HDAC4: variants seen among roughly 807,000 people sequenced by gnomAD.
HDAC4 encodes histone deacetylase A.
In HDAC4, 16 loss-of-function variants were observed where a neutral mutation model predicts 135.1. The observed-to-expected ratio is 0.12, with a 90% CI of 0.08 to 0.18. HDAC4 has a LOEUF of 0.18. HDAC4 is among the 10% of genes least tolerant of loss of function. HDAC4 has a pLI of 1.00. For missense variants in HDAC4, 1,143 were observed against 1,511.8 expected (o/e 0.76, Z 4.05); for synonymous variants, 685 against 653.4 (o/e 1.05, Z -0.74).
chr2:239,129,552 C>T (rs540027032), intron 11 of HDAC4, among the ~76,000 whole-genome samples: 32 of 152,258 alleles, frequency 2.1e-4, no homozygotes, highest in African/African-American at 7.7e-4. Context: ...GCTCTTTCTG[C>T]CCTGAGCACT....
In HDAC4 at chr2:239,313,680, C is replaced by T. The variant is rs1403719061; in HGVS notation, c.22+38998G>A. 5.3e-5 allele frequency among the ~76,000 whole-genome samples: 8 copies of T among 152,304 alleles called. No homozygotes were observed. In the South Asian group the frequency reaches 6.2e-4, roughly 12 times the overall value. On this transcript the variant is annotated intron_variant, in intron 2 of 26. Transcript: ENST00000543185. The surrounding 1 kb of genome is among the most constrained non-coding windows in gnomAD (Gnocchi z 5.1). ...AATAAGCGCCTCAAAAGAAAGCCAA[C>T]GTACAGCACTGGTGACAGAAAGGAA... is the stretch of plus-strand genomic sequence containing the variant.
chr2:239,365,151 G>A (rs946981337), intron 1 of HDAC4, among the ~76,000 whole-genome samples: 5 of 152,248 alleles, frequency 3.3e-5, no homozygotes, highest in African/African-American at 1.2e-4. Context: ...TCTATACAGT[G>A]AGTTTAATAA....
intron 24 of HDAC4, among the ~76,000 whole-genome samples, chr2:239,063,110 G>A (rs1188133464): frequency 6.6e-6 from 1 of 152,276 alleles, no homozygotes; most frequent in African/African-American, 2.4e-5. Context: ...CTGCTGTCCC[G>A]GGGTCACGCA....
intron 2 of HDAC4, among the ~76,000 whole-genome samples, chr2:239,255,311 G>A (rs1214367614): frequency 6.6e-6 from 1 of 152,048 alleles, no homozygotes; most frequent in Non-Finnish European, 1.5e-5. Flanking sequence ...GTGTGTGTGT[G>A]TGTGTGTGTG....
chr2:239,200,688 T>C (rs1173956675), intron 3 of HDAC4, among the ~76,000 whole-genome samples: 2 of 152,162 alleles, frequency 1.3e-5, no homozygotes, highest in Non-Finnish European at 2.9e-5. Flanking sequence ...AAGAAATAAA[T>C]GCAAAGAGAA....
rs914819629 is a variant in HDAC4 at position 239,349,275 on chromosome 2, C to T, written c.22+3403G>A. Among the ~76,000 whole-genome samples, 51 of 152,166 alleles carry T rather than the reference C, an allele frequency of 3.4e-4. No individual in the cohort carries two copies. The highest frequency in any genetic ancestry group is 1.1e-3 in the African/African-American group (47 of 41,444). On this transcript the variant is annotated intron_variant, in intron 2 of 26. Transcript: ENST00000543185. This position sits in a 1 kb window ranked among gnomAD's most constrained non-coding sequence, Gnocchi z 5.7. ...AGGGGAGGTGCAGCCAGGTAGGCCC[C>T]GAACACCACGTTGCCAGGACTCGGC...
At position 239,285,095 on chromosome 2, in the gene HDAC4, T is replaced by C. The variant is rs2051059303; in HGVS notation, c.23-48431A>G. ...TACATCCCACCCCACACCTAGACAA[T>C]CTACAGTCTACCTTCATGGCAACCT... On this transcript the variant is annotated intron_variant, in intron 2 of 26. Coordinates refer to ENST00000543185, the MANE Select transcript of HDAC4 (RefSeq NM_001378414.1). This position sits in a 1 kb window ranked among gnomAD's most constrained non-coding sequence, Gnocchi z 4.5. Among the ~76,000 whole-genome samples, 1 of 152,062 alleles carries C rather than the reference T, an allele frequency of 6.6e-6. No homozygotes were observed.
chr2:239,152,412 G>GA (rs1213248330), intron 7 of HDAC4, among the ~76,000 whole-genome samples: 1 of 152,236 alleles, frequency 6.6e-6, no homozygotes, highest in Non-Finnish European at 1.5e-5. Context: ...CATGGGAAGG[G>GA]ACCAGGCACC....
intron 2 of HDAC4, among the ~76,000 whole-genome samples, chr2:239,277,712 C>A (rs1189859724): frequency 3.9e-5 from 6 of 152,204 alleles, no homozygotes; most frequent in Admixed American, 3.9e-4. Context: ...ATAATGTCTG[C>A]TTTGGAAAGA....
intron 6 of HDAC4, among the ~76,000 whole-genome samples, chr2:239,162,822 C>T (rs990279508): frequency 9.2e-5 from 14 of 152,032 alleles, no homozygotes; most frequent in Admixed American, 2.6e-4. Context: ...GCGGCCTCCA[C>T]GGAAACAAGG....
chr2:239,174,996 A>C lies in HDAC4; in HGVS notation c.490+1417T>G, dbSNP rs1379591018. On this transcript the variant is annotated intron_variant, in intron 5 of 26. Coordinates refer to ENST00000543185, the MANE Select transcript of HDAC4 (RefSeq NM_001378414.1). The stretch of plus-strand genomic sequence containing the variant: ...TCTTTGGGGAAGGGGGAAGTGCATA[A>C]GGACTTCTCTTCTGACTCATGGGCC... 2.0e-5 allele frequency among the ~76,000 whole-genome samples: 3 copies of C among 152,246 alleles called. No individual in the cohort carries two copies. In the East Asian group the frequency reaches 5.8e-4, roughly 29 times the overall value.
intron 2 of HDAC4, among the ~76,000 whole-genome samples, chr2:239,348,700 G>A (rs1172790696): frequency 6.6e-6 from 1 of 152,242 alleles, no homozygotes; most frequent in Non-Finnish European, 1.5e-5. Context: ...TCCCCTCAGG[G>A]AGGGTGTGGA....
chr2:239,334,626 C>A (rs1191438709), intron 2 of HDAC4, among the ~76,000 whole-genome samples: 1 of 152,022 alleles, frequency 6.6e-6, no homozygotes. Context: ...GTAGCATATT[C>A]GTAGATTAGA....
At chr2:239,264,237 G>A (rs752299719) in intron 2 of HDAC4, among the ~76,000 whole-genome samples, 92 of 152,166 alleles carry the variant, frequency 6.0e-4, no homozygotes, top group Non-Finnish European at 4.6e-4. Context: ...CTTTCTGCTC[G>A]GGCCGCCCCA....
In HDAC4 at chr2:239,352,780, C is replaced by G; in HGVS notation, c.-81G>C. 7.6e-7 allele frequency: 1 copy of G among 1,314,056 alleles called. No homozygotes were observed. The highest frequency in any genetic ancestry group is 2.0e-5 in the Admixed American group (1 of 50,692). 81.4% of individuals were successfully genotyped at this position (1,314,056 alleles called of 1,614,324 possible). A position where few individuals can be genotyped will look rare whatever the true frequency, so the allele number is the denominator to read the frequency against. On this transcript the variant is annotated 5_prime_UTR_variant, in exon 2 of 27. Coordinates refer to ENST00000543185, the MANE Select transcript of HDAC4 (RefSeq NM_001378414.1). The surrounding 1 kb of genome is among the most constrained non-coding windows in gnomAD (Gnocchi z 4.4). The stretch of plus-strand genomic sequence containing the variant: ...AACGATAGCTCCAACGAGCTCCAAA[C>G]TCCCACCAACACATACAAGTACCGG...
rs150037019 is a variant in HDAC4 at position 239,166,371 on chromosome 2, G to T, written c.491-2448C>A. ...CAGGCTCAGGGCTCTCTGTCGGTCTGAGAAAATCATGTCATTGCCCGAGTC... is the reference window on the plus strand; with the variant it reads ...CAGGCTCAGGGCTCTCTGTCGGTCTTAGAAAATCATGTCATTGCCCGAGTC... On this transcript the variant is annotated intron_variant, in intron 5 of 26. Coordinates refer to ENST00000543185, the MANE Select transcript of HDAC4 (RefSeq NM_001378414.1). Among the ~76,000 whole-genome samples the T allele has an allele frequency of 9.1e-4, 138 of 152,266 alleles. 1 individual carries two copies. In the East Asian group the frequency reaches 0.016, roughly 17 times the overall value.
rs2035275511 is a variant in HDAC4 at position 239,081,105 on chromosome 2, C to T, written c.2740G>A (p.Ala914Thr). ...AGCCGGGAGGCTCACCTGAAGGCCG[C>T]CAAGTACTCAGCGTCTCCCATGGGG... ...DPPMGDAEYL[A>T]AFRTVVMPIA... Residue 914 changes from alanine to threonine, a missense_variant, in exon 22 of 27, where the codon GCG (alanine) becomes ACG (threonine). Around this residue, in one of 9 missense-constraint regions of HDAC4, gnomAD observed 189 missense variants for 317.6 expected, o/e 0.60. Transcript: ENST00000543185. The T allele has an allele frequency of 1.2e-6, 2 of 1,613,706 alleles. No homozygotes were observed. The highest frequency in any genetic ancestry group is 4.5e-5 in the East Asian group (2 of 44,884).
Position 239,271,793 on chromosome 2 carries a change from G to A in HDAC4, c.23-35129C>T, listed in dbSNP as rs114220735. On this transcript the variant is annotated intron_variant, in intron 2 of 26. Transcript: ENST00000543185. ...CATTCAGAGTCCCTGATGGCTCCAC[G>A]TCCCATAATTAACCTCTCAACAGGG... Among the ~76,000 whole-genome samples the A allele has an allele frequency of 6.8e-3, 1,041 of 152,230 alleles. 7 individuals carry two copies. The highest frequency in any genetic ancestry group is 8.4e-3 in the Admixed American group (128 of 15,294).
At chr2:239,261,486 GCATC>G (rs2049363824) in intron 2 of HDAC4, among the ~76,000 whole-genome samples, 1 of 152,158 alleles carries the variant, frequency 6.6e-6, no homozygotes, top group South Asian at 2.1e-4. Context: ...CCTGTTAGGT[GCATC>G]CATGGGGCAT....
Sources: allele counts gnomAD v4.1 joint callset (sites outside exome capture counted in the v4.1 genomes callset), GRCh38; gene constraint gnomAD v4.1.1; regional missense constraint gnomAD v4.1.1; non-coding constraint Gnocchi (gnomAD v3.1); transcripts MANE v1.5; gene names NCBI Gene and HGNC (gene_info 2026-07-23, HGNC 2026-07-21).